The following NFASC variants were observed in gnomAD, a reference collection of about 807,000 sequenced individuals.
NFASC encodes the protein neurofascin homolog.
A neutral mutation model predicts 147.5 loss-of-function variants in NFASC; 43 were observed. The observed-to-expected ratio is 0.29, with a 90% CI of 0.23 to 0.38. The LOEUF (loss-of-function observed/expected upper bound fraction) is 0.38, where lower values mean the gene tolerates loss of function less well. Among genes scored for constraint, NFASC ranks in the 10% least tolerant of loss-of-function variants. The pLI, the probability that NFASC is intolerant of heterozygous loss-of-function variation, is 1.00. For synonymous variants in NFASC, 622 were observed against 665.5 expected (o/e 0.93, Z 1.01); for missense variants, 1,320 against 1,689.0 (o/e 0.78, Z 3.83).
chr1:204,933,080 A>G (rs2092510660), intron 2 of NFASC, among the ~76,000 whole-genome samples: 1 of 152,136 alleles, frequency 6.6e-6, no homozygotes, highest in African/African-American at 2.4e-5. Flanking sequence ...GATCTCCAAA[A>G]ACCTTGAGTG....
At chr1:205,005,464 C>G (rs186489677) in intron 27 of NFASC, among the ~76,000 whole-genome samples, 1 of 152,254 alleles carries the variant, frequency 6.6e-6, no homozygotes, top group Admixed American at 6.5e-5. Flanking sequence ...GGGGGCCGGA[C>G]GAGAGGATGC....
intron 2 of NFASC, among the ~76,000 whole-genome samples, chr1:204,940,367 C>T (rs1331610858): frequency 6.6e-6 from 1 of 152,164 alleles, no homozygotes; most frequent in African/African-American, 2.4e-5. Context: ...GCACGAGAAT[C>T]ACTTGAACCC....
chr1:204,893,881 A>G (rs1057279526), intron 1 of NFASC, among the ~76,000 whole-genome samples: 4 of 152,250 alleles, frequency 2.6e-5, no homozygotes, highest in Non-Finnish European at 5.9e-5. Flanking sequence ...TTATGTCACC[A>G]ATTCCCATTT....
In NFASC at chr1:204,968,802, A is replaced by G. The variant is rs145749720; in HGVS notation, c.823A>G (p.Thr275Ala). ...CCTGCTTGGCGCCTCTCCTAGCCCAACACCAGACATCGCATGGTACAAGAA... is the reference window on the plus strand; with the variant it reads ...CCTGCTTGGCGCCTCTCCTAGCCCAGCACCAGACATCGCATGGTACAAGAA... ...LLECIASGVP[T>A]PDIAWYKKGG... Residue 275 changes from threonine (T) to alanine (A), a missense_variant, in exon 10 of 30, where the codon ACA becomes GCA. Coordinates refer to ENST00000339876, the MANE Select transcript of NFASC (RefSeq NM_001005388.3). This position sits in a 1 kb window ranked among gnomAD's most constrained non-coding sequence, Gnocchi z 5.4. 1.9e-6 allele frequency: 3 copies of G among 1,612,638 alleles called. No homozygotes were observed. The highest frequency in any genetic ancestry group is 4.5e-5 in the East Asian group (2 of 44,866).
chr1:204,866,348 C>T (rs950727436), intron 1 of NFASC, among the ~76,000 whole-genome samples: 2 of 152,178 alleles, frequency 1.3e-5, no homozygotes, highest in African/African-American at 4.8e-5. Flanking sequence ...GCCGTCTTGG[C>T]TGCAGGAGTT....
intron 24 of NFASC, among the ~76,000 whole-genome samples, chr1:204,995,670 C>T (rs2095832620): frequency 6.6e-6 from 1 of 152,042 alleles, no homozygotes; most frequent in Non-Finnish European, 1.5e-5. Context: ...ATCTTATTAG[C>T]AGGGAAGCAG....
chr1:204,928,298 G>A (rs2091952208), intron 2 of NFASC, among the ~76,000 whole-genome samples: 1 of 152,190 alleles, frequency 6.6e-6, no homozygotes, highest in African/African-American at 2.4e-5. Flanking sequence ...CTAGGAGCAT[G>A]AATGAGTAAG....
At chr1:204,956,826 A>C (rs920161969) in intron 7 of NFASC, among the ~76,000 whole-genome samples, 1 of 152,168 alleles carries the variant, frequency 6.6e-6, no homozygotes. Context: ...GACAGCTGTG[A>C]GTAGTCAGCT....
chr1:204,889,992 T>G (rs2082070121), intron 1 of NFASC, among the ~76,000 whole-genome samples: 1 of 152,186 alleles, frequency 6.6e-6, no homozygotes, highest in Non-Finnish European at 1.5e-5. Flanking sequence ...AGAGGATGTT[T>G]ATTTCCTCGG....
chr1:204,845,295 C>CAAAAAAAA (rs35773017), intron 1 of NFASC, among the ~76,000 whole-genome samples: 5 of 140,574 alleles, frequency 3.6e-5, no homozygotes, highest in African/African-American at 1.3e-4. Flanking sequence ...TACTAAAATA[C>CAAAAAAAA]AAAAAAAAAA....
rs774088171 is a variant in NFASC at position 204,974,702 on chromosome 1, T to C, written c.1437T>C (p.His479=). 22 of 1,614,082 alleles carry C rather than the reference T, an allele frequency of 1.4e-5. No individual in the cohort carries two copies. The highest frequency in any genetic ancestry group is 1.2e-4 in the Admixed American group (7 of 60,012). Residue 479 remains histidine (H), a synonymous_variant, in exon 14 of 30, where the codon CAT becomes CAC. Coordinates refer to ENST00000339876, the MANE Select transcript of NFASC (RefSeq NM_001005388.3). The part of the protein sequence containing the change: ...QGSNLDGGNY[H]VYENGSLEIK... ...GCAACCTGGATGGTGGCAACTACCATGTTTATGAGAACGGCAGTCTGGAAA... is the reference window on the plus strand; with the variant it reads ...GCAACCTGGATGGTGGCAACTACCACGTTTATGAGAACGGCAGTCTGGAAA...
At chr1:204,909,998 G>A (rs1048777015) in intron 1 of NFASC, among the ~76,000 whole-genome samples, 2 of 151,812 alleles carry the variant, frequency 1.3e-5, no homozygotes, top group African/African-American at 4.8e-5. Context: ...TATATAATGA[G>A]TCTTTAAATT....
At position 204,989,017 on chromosome 1, in the gene NFASC, C is replaced by T. The variant is rs11240328; in HGVS notation, c.2767+211C>T. 5,450 of 593,382 alleles carry T rather than the reference C, an allele frequency of 9.2e-3. 185 individuals carry two copies. The highest frequency in any genetic ancestry group is 0.079 in the African/African-American group (4,245 of 53,844). The allele number at this position is 593,382 out of a possible 1,614,324, so 36.8% of individuals were successfully genotyped here. A position where few individuals can be genotyped will look rare whatever the true frequency, so the allele number is the denominator to read the frequency against. ...TCAGCTCTCCTTGGACCACTGTGGT[C>T]ACACCTGGGTCCCCACTTGCCCTGA... On this transcript the variant is annotated intron_variant, in intron 23 of 29. Transcript: ENST00000339876.
intron 1 of NFASC, among the ~76,000 whole-genome samples, chr1:204,878,941 A>C (rs1159536756): frequency 2.0e-5 from 3 of 152,238 alleles, no homozygotes; most frequent in Non-Finnish European, 2.9e-5. Context: ...GGTGGGTTGC[A>C]CAGAGGCTTC....
At chr1:204,981,030 C>A (rs760779557) in intron 20 of NFASC, among the ~76,000 whole-genome samples, 6 of 152,250 alleles carry the variant, frequency 3.9e-5, no homozygotes, top group Non-Finnish European at 8.8e-5. Flanking sequence ...TCCCAAACCA[C>A]TTCCCAGTCT....
At position 204,954,111 on chromosome 1, in the gene NFASC, C is replaced by T; in HGVS notation, c.216-77C>T. 1 of 1,349,930 alleles carries T rather than the reference C, an allele frequency of 7.4e-7. No individual in the cohort carries two copies. Among genetic ancestry groups the T allele is most frequent in the African/African-American group, 1.4e-5 (1 of 69,640 alleles). 83.6% of individuals were successfully genotyped at this position (1,349,930 alleles called of 1,614,324 possible). A position where few individuals can be genotyped will look rare whatever the true frequency, so the allele number is the denominator to read the frequency against. On this transcript the variant is annotated intron_variant, in intron 5 of 29. Transcript: ENST00000339876. This position sits in a 1 kb window ranked among gnomAD's most constrained non-coding sequence, Gnocchi z 5.7. ...GGGAATTTTGGTACTGAGCCAGGGA[C>T]TAGGGATCTGAGATCTGCCTGGAGC...
rs2090272981 is a variant in NFASC at position 204,920,689 on chromosome 1, G to C, written c.-142G>C. 2.3e-6 allele frequency: 3 copies of C among 1,289,634 alleles called. No individual in the cohort carries two copies. Among genetic ancestry groups the C allele is most frequent in the Non-Finnish European group, 3.0e-6 (3 of 988,828 alleles). 79.9% of individuals were successfully genotyped at this position (1,289,634 alleles called of 1,614,324 possible). A position where few individuals can be genotyped will look rare whatever the true frequency, so the allele number is the denominator to read the frequency against. ...GAGTTTACCTTCCCTCCGCAGCCTG[G>C]AACAGAGCCTCCTCTGGTGTTGCAA... On this transcript the variant is annotated 5_prime_UTR_variant, in exon 2 of 30. Coordinates refer to ENST00000339876, the MANE Select transcript of NFASC (RefSeq NM_001005388.3).
At chr1:204,850,920 A>C (rs2075621759) in intron 1 of NFASC, among the ~76,000 whole-genome samples, 2 of 152,194 alleles carry the variant, frequency 1.3e-5, no homozygotes, top group African/African-American at 4.8e-5. Context: ...AAACATATGC[A>C]ACTTCATAGA....
At chr1:204,844,464 C>G (rs893793623) in intron 1 of NFASC, among the ~76,000 whole-genome samples, 20 of 152,174 alleles carry the variant, frequency 1.3e-4, no homozygotes, top group African/African-American at 4.1e-4. Context: ...TAATTGTACG[C>G]TAGATACTGT....
Sources: gnomAD v4.1 joint callset for allele counts (sites outside exome capture counted in the v4.1 genomes callset) on GRCh38, gnomAD v4.1.1 for gene constraint, Gnocchi (gnomAD v3.1) non-coding constraint, MANE v1.5 for transcripts, NCBI Gene and HGNC (gene_info 2026-07-23, HGNC 2026-07-21) for gene names.